RHBDL2: variants seen among roughly 807,000 people sequenced by gnomAD.
RHBDL2 encodes the protein rhomboid-related protein 2.
In RHBDL2, 26 loss-of-function variants were observed where a neutral mutation model predicts 31.7. That is an observed-to-expected ratio of 0.82 (90% CI 0.60 to 1.14). The LOEUF is 1.14. RHBDL2 is among the 50% of genes most tolerant of loss of function. RHBDL2 has a pLI of 0.00. For synonymous variants in RHBDL2, 123 were observed against 127.2 expected (o/e 0.97, Z 0.22); for missense variants, 336 against 364.4 (o/e 0.92, Z 0.63).
rs139731027 is a variant in RHBDL2 at position 38,920,758 on chromosome 1, C to A, written c.-125-1421G>T. On this transcript the variant is annotated intron_variant, in intron 1 of 7. Coordinates refer to ENST00000372990, the MANE Select transcript of RHBDL2 (RefSeq NM_017821.5). ...AGTAGCTGGGACTACAGGTGCCCAC[C>A]ACCACACCTGGCTAATTTTTTTTTT... Among the ~76,000 whole-genome samples, 462 of 150,954 alleles carry A rather than the reference C, an allele frequency of 3.1e-3. 6 individuals carry two copies. The highest frequency in any genetic ancestry group is 0.011 in the African/African-American group (442 of 40,974).
intron 7 of RHBDL2, among the ~76,000 whole-genome samples, chr1:38,887,536 T>C (rs1392193274): frequency 6.6e-6 from 1 of 152,222 alleles, no homozygotes; most frequent in East Asian, 1.9e-4. Flanking sequence ...GCGATTCTCC[T>C]GCCTCAGCTT....
chr1:38,917,012 ACTTT>A (rs1643246552), intron 2 of RHBDL2, among the ~76,000 whole-genome samples: 1 of 148,618 alleles, frequency 6.7e-6, no homozygotes, highest in African/African-American at 2.5e-5. Flanking sequence ...GCATACAGGA[ACTTT>A]CTTTTTTTTT....
At chr1:38,904,197 G>A (rs539207488) in intron 4 of RHBDL2, among the ~76,000 whole-genome samples, 3 of 152,262 alleles carry the variant, frequency 2.0e-5, no homozygotes, top group Admixed American at 6.5e-5. Flanking sequence ...CAGGCTGGGC[G>A]CAGTGGCTCA....
At chr1:38,902,198 T>C (rs1642999835) in intron 4 of RHBDL2, among the ~76,000 whole-genome samples, 1 of 121,988 alleles carries the variant, frequency 8.2e-6, no homozygotes, top group African/African-American at 2.7e-5. Context: ...CTTTTTTCTT[T>C]TTCTTTTTTT....
intron 3 of RHBDL2, among the ~76,000 whole-genome samples, chr1:38,913,364 G>T (rs1372420351): frequency 6.6e-6 from 1 of 152,014 alleles, no homozygotes; most frequent in African/African-American, 2.4e-5. Context: ...TTGTGTGCGG[G>T]AGCCATGTTT....
intron 4 of RHBDL2, among the ~76,000 whole-genome samples, chr1:38,897,929 G>A (rs947377362): frequency 1.4e-4 from 22 of 152,104 alleles, no homozygotes; most frequent in Non-Finnish European, 2.5e-4. Context: ...TCAGGAGTTC[G>A]AGACCAGCCT....
intron 1 of RHBDL2, among the ~76,000 whole-genome samples, chr1:38,920,765 C>G (rs1258061120): frequency 1.3e-5 from 2 of 149,090 alleles, no homozygotes; most frequent in African/African-American, 5.0e-5. Context: ...CACCACCACA[C>G]CTGGCTAATT....
chr1:38,928,542 G>T (rs557434508), intron 1 of RHBDL2, among the ~76,000 whole-genome samples: 2 of 152,184 alleles, frequency 1.3e-5, no homozygotes, highest in East Asian at 3.9e-4. Flanking sequence ...CACCTCCTAA[G>T]TTCAAGAGAG....
At position 38,916,036 on chromosome 1, in the gene RHBDL2, C is replaced by T. The variant is rs572131758; in HGVS notation, c.247-326G>A. Among the ~76,000 whole-genome samples, 11 of 152,316 alleles carry T rather than the reference C, an allele frequency of 7.2e-5. No homozygotes were observed. The South Asian group carries it at 1.7e-3, about 23-fold the overall frequency. ...CCTCTTAAATACCCACTGCCCTCAT[C>T]GTCGCACCAACTGATCTTTCATTTA... On this transcript the variant is annotated intron_variant, in intron 2 of 7. Transcript: ENST00000372990.
At chr1:38,910,730 T>G (rs907747605) in intron 4 of RHBDL2, among the ~76,000 whole-genome samples, 2 of 151,796 alleles carry the variant, frequency 1.3e-5, no homozygotes, top group African/African-American at 4.8e-5. Context: ...ACCAAACTAC[T>G]TGCAGTTTTC....
At chr1:38,921,935 A>G (rs4418560) in intron 1 of RHBDL2, among the ~76,000 whole-genome samples, 20,677 of 152,226 alleles carry the variant, frequency 0.14, 1,817 homozygotes, top group Non-Finnish European at 0.2. Context: ...TTGTATCTAA[A>G]TATCATACAT....
At chr1:38,917,449 A>G (rs1025803347) in intron 2 of RHBDL2, among the ~76,000 whole-genome samples, 2 of 152,220 alleles carry the variant, frequency 1.3e-5, no homozygotes, top group African/African-American at 2.4e-5. Context: ...TGAGCCTCCT[A>G]TGGCAAACTG....
At chr1:38,940,351 T>C (rs1254966051) in intron 1 of RHBDL2, among the ~76,000 whole-genome samples, 1 of 152,096 alleles carries the variant, frequency 6.6e-6, no homozygotes, top group Non-Finnish European at 1.5e-5. Flanking sequence ...CCTAATCCCA[T>C]GCCTATGTGG....
intron 1 of RHBDL2, among the ~76,000 whole-genome samples, chr1:38,923,150 G>C (rs1357003041): frequency 6.6e-6 from 1 of 152,068 alleles, no homozygotes; most frequent in East Asian, 1.9e-4. Context: ...GTGGCAATGG[G>C]TGCAATGTAT....
intron 1 of RHBDL2, among the ~76,000 whole-genome samples, chr1:38,934,778 A>G (rs186392247): frequency 4.9e-4 from 75 of 151,902 alleles, no homozygotes; most frequent in African/African-American, 1.7e-3. Context: ...CAACACAGTC[A>G]AACCCCGTCT....
intron 4 of RHBDL2, among the ~76,000 whole-genome samples, chr1:38,897,581 G>A (rs1642935167): frequency 1.3e-5 from 2 of 152,054 alleles, no homozygotes; most frequent in Non-Finnish European, 2.9e-5. Context: ...CAAGCATGGT[G>A]GTACCCGCCT....
At chr1:38,941,358 G>A (rs539417669) in intron 1 of RHBDL2, among the ~76,000 whole-genome samples, 10 of 152,130 alleles carry the variant, frequency 6.6e-5, no homozygotes, top group South Asian at 2.1e-4. Flanking sequence ...TGGGGAGAAC[G>A]TGATGGCTGG....
At chr1:38,929,064 CCT>C (rs1406455690) in intron 1 of RHBDL2, among the ~76,000 whole-genome samples, 1 of 151,892 alleles carries the variant, frequency 6.6e-6, no homozygotes, top group Admixed American at 6.6e-5. Flanking sequence ...AGAGCGAAAC[CCT>C]GTCTCCAAAA....
rs1643077779 is a variant in RHBDL2, at chr1:38,907,208, CAAACA to C, written c.508+4109_508+4113del. The stretch of plus-strand genomic sequence containing the variant: ...CATAATTGGATATCTTCAGGCCAAA[CAAACA>C]AAACAAACCTCAAACTCAAAATGGG... On this transcript the variant is annotated intron_variant, in intron 4 of 7. Transcript: ENST00000372990. Among the ~76,000 whole-genome samples, 3 of 152,170 alleles carry C rather than the reference CAAACA, an allele frequency of 2.0e-5. No individual in the cohort carries two copies. In the South Asian group the frequency reaches 6.2e-4, roughly 31 times the overall value.
Sources: gnomAD v4.1 joint callset for allele counts (sites outside exome capture counted in the v4.1 genomes callset) on GRCh38, gnomAD v4.1.1 for gene constraint, MANE v1.5 for transcripts, NCBI Gene and HGNC (gene_info 2026-07-23, HGNC 2026-07-21) for gene names.